The following TTF2 variants were observed in gnomAD, a reference collection of about 807,000 sequenced individuals.
TTF2 encodes RNA polymerase II termination factor.
TTF2 carries 108 observed loss-of-function variants against 142.4 expected under a neutral mutation model. The ratio of observed to expected loss-of-function variants is 0.76; its 90% CI spans 0.65 to 0.89. The LOEUF (loss-of-function observed/expected upper bound fraction) is 0.89. TTF2 is among the 40% of genes least tolerant of loss of function. The pLI is 0.00. For synonymous variants in TTF2, 483 were observed against 506.2 expected (o/e 0.95, Z 0.61); for missense variants, 1,327 against 1,379.8 (o/e 0.96, Z 0.61).
Position 117,078,044 on chromosome 1 carries a change from G to T in TTF2, c.1701+1G>T. 6.2e-7 allele frequency: 1 copy of T among 1,613,736 alleles called. No individual in the cohort carries two copies. Among genetic ancestry groups the T allele is most frequent in the South Asian group, 1.1e-5 (1 of 91,058 alleles). On this transcript the variant is annotated splice_donor_variant, in intron 8 of 22. Coordinates refer to ENST00000369466, the MANE Select transcript of TTF2 (RefSeq NM_003594.4). LOFTEE classifies it high-confidence loss of function. ...GGCAGAAGATCCCGCCGGGCTGAAG[G>T]TGAGCCAGGGAAGACTCCTGGTGTA...
At chr1:117,084,771 A>G (rs780559204) in intron 11 of TTF2, among the ~76,000 whole-genome samples, 11 of 152,174 alleles carry the variant, frequency 7.2e-5, no homozygotes, top group Non-Finnish European at 1.6e-4. Context: ...TCTGTTCTTA[A>G]TTGCGGAGTG....
intron 3 of TTF2, 69 bp downstream of exon 3, chr1:117,062,542 C>A: frequency 1.4e-6 from 2 of 1,440,322 alleles, no homozygotes. Flanking sequence ...AGAGTTGTAG[C>A]CAGGTATGTA....
At position 117,099,283 on chromosome 1, in the gene TTF2, G is replaced by A. The variant is rs1243205256; in HGVS notation, c.3344+376G>A. Among the ~76,000 whole-genome samples the A allele has an allele frequency of 6.6e-6, 1 of 152,024 alleles. No homozygotes were observed. Among genetic ancestry groups the A allele is most frequent in the African/African-American group, 2.4e-5 (1 of 41,364 alleles). On this transcript the variant is annotated intron_variant, in intron 22 of 22. Transcript: ENST00000369466. The surrounding 1 kb of genome is among the most constrained non-coding windows in gnomAD (Gnocchi z 4.3). ...TGCATGTGGGTAGAAACATTTTTCT[G>A]GACCACTTGAGAACAAGTTGTAGAC...
intron 10 of TTF2, among the ~76,000 whole-genome samples, chr1:117,083,513 C>A (rs754446139): frequency 1.4e-4 from 21 of 152,284 alleles, no homozygotes; most frequent in South Asian, 2.1e-4. Context: ...TAACAATACT[C>A]CATACGCCTC....
rs1285502290 is a variant in TTF2, at chr1:117,079,819, G to GA, written c.1783+172dup. On this transcript the variant is annotated intron_variant, in intron 9 of 22. Coordinates refer to ENST00000369466, the MANE Select transcript of TTF2 (RefSeq NM_003594.4). The surrounding 1 kb of genome is among the most constrained non-coding windows in gnomAD (Gnocchi z 4.2). ...TGGAAGTGTTAAGCAACTTGCTCAA[G>GA]AATACACAGTTTAGGATCAAAGATG... Among the ~76,000 whole-genome samples the GA allele has an allele frequency of 1.3e-5, 2 of 152,196 alleles. No individual in the cohort carries two copies. The highest frequency in any genetic ancestry group is 2.9e-5 in the Non-Finnish European group (2 of 68,032).
intron 19 of TTF2, 78 bp from the exon 20 acceptor site, chr1:117,096,071 G>A: frequency 1.3e-6 from 2 of 1,514,278 alleles, no homozygotes; most frequent in Non-Finnish European, 9.0e-7. Flanking sequence ...CCTTAAGAAT[G>A]ATGAGGGCAT....
intron 3 of TTF2, among the ~76,000 whole-genome samples, chr1:117,062,941 C>G (rs1655804774): frequency 6.6e-6 from 1 of 152,096 alleles, no homozygotes; most frequent in South Asian, 2.1e-4. Context: ...AGTAGGAATT[C>G]CCTAAGTGTT....
At position 117,076,818 on chromosome 1, in the gene TTF2, A is replaced by T. The variant is rs758676097; in HGVS notation, c.1568A>T (p.Tyr523Phe). Residue 523 changes from tyrosine to phenylalanine, a missense_variant, in exon 7 of 23, where the codon TAT (tyrosine) becomes TTT (phenylalanine). Physicochemically the swap from Tyr to Phe is conservative, Grantham distance 22 (BLOSUM62 3). Transcript: ENST00000369466. The surrounding 1 kb of genome is among the most constrained non-coding windows in gnomAD (Gnocchi z 4.6). ...QVTAGGSSQC[Y>F]RGHTNQDHVH... is the part of the protein sequence containing the mutation. The stretch of plus-strand genomic sequence containing the variant: ...ACTGCTGGAGGATCCAGTCAGTGCT[A>T]TCGAGGTAAGACCCAAGGGCCTGAC... 2 of 1,611,966 alleles carry T rather than the reference A, an allele frequency of 1.2e-6. No homozygotes were observed. The highest frequency in any genetic ancestry group is 3.3e-5 in the Admixed American group (2 of 59,792).
At chr1:117,083,580 C>G (rs971442087) in intron 10 of TTF2, among the ~76,000 whole-genome samples, 2 of 152,206 alleles carry the variant, frequency 1.3e-5, no homozygotes, top group African/African-American at 4.8e-5. Context: ...CTTCCAGCCA[C>G]TCTGTGAAAG....
In TTF2 at chr1:117,106,179, A is replaced by C. The variant is rs1649918151; in HGVS notation, c.*4655A>C. On this transcript the variant is annotated 3_prime_UTR_variant, in exon 23 of 23. Transcript: ENST00000369466. ...TTCAGAATTCCTAGGCATATGACCT[A>C]GACTAAAATGTCTTCATAACTACAA... 1 of 152,314 alleles carries C rather than the reference A, an allele frequency of 6.6e-6. No homozygotes were observed. The highest frequency in any genetic ancestry group is 2.4e-5 in the African/African-American group (1 of 41,564). 9.4% of individuals were successfully genotyped at this position (152,314 alleles called of 1,614,324 possible).
Position 117,070,590 on chromosome 1 carries a change from G to A in TTF2, c.219-3071G>A, listed in dbSNP as rs1181394145. The stretch of plus-strand genomic sequence containing the variant: ...AGTACTTGATATGCTTTAAACAACA[G>A]CAGGAGTTTGTTCTTGATTTATTTC... On this transcript the variant is annotated intron_variant, in intron 3 of 22. Transcript: ENST00000369466. This position sits in a 1 kb window ranked among gnomAD's most constrained non-coding sequence, Gnocchi z 4.2. Among the ~76,000 whole-genome samples, 1 of 152,192 alleles carries A rather than the reference G, an allele frequency of 6.6e-6. No individual in the cohort carries two copies. Among genetic ancestry groups the A allele is most frequent in the Non-Finnish European group, 1.5e-5 (1 of 68,034 alleles).
chr1:117,096,185 TG>T lies in TTF2; in HGVS notation c.3073del (p.Val1025Ter). The T allele has an allele frequency of 6.2e-7, 1 of 1,614,118 alleles. No individual in the cohort carries two copies. Among genetic ancestry groups the T allele is most frequent in the East Asian group, 2.2e-5 (1 of 44,880 alleles). On this transcript the variant is annotated frameshift_variant, in exon 20 of 23. Transcript: ENST00000369466. LOFTEE classifies it high-confidence loss of function. ...CTCAGTGGACCAACATGCTGAAAGTTGTAGCATTGCACCTGAAGAAGCATGG... is the reference window on the plus strand; with the variant it reads ...CTCAGTGGACCAACATGCTGAAAGTTTAGCATTGCACCTGAAGAAGCATGG... ...VSQWTNMLKVVALHLKKHGLT... is the reference protein window; with the variant it reads ...VSQWTNMLKVXALHLKKHGLT...
rs1570854210 is a variant in TTF2 at position 117,087,979 on chromosome 1, C to G, written c.2161-822C>G. On this transcript the variant is annotated intron_variant, in intron 12 of 22. Transcript: ENST00000369466. The surrounding 1 kb of genome is among the most constrained non-coding windows in gnomAD (Gnocchi z 4.8). Reference sequence around the variant, plus strand: ...CCAGATTCCCACTTCAGGTATTGAACTAGCCAGTGGGACTTACTATATCTA... The same window carrying G: ...CCAGATTCCCACTTCAGGTATTGAAGTAGCCAGTGGGACTTACTATATCTA... 6.6e-6 allele frequency among the ~76,000 whole-genome samples: 1 copy of G among 152,196 alleles called. No individual in the cohort carries two copies. Among genetic ancestry groups the G allele is most frequent in the African/African-American group, 2.4e-5 (1 of 41,442 alleles).
intron 11 of TTF2, 99 bp downstream of exon 11, chr1:117,084,267 G>T: frequency 6.9e-7 from 1 of 1,452,410 alleles, no homozygotes; most frequent in Non-Finnish European, 9.4e-7. Flanking sequence ...TAATCAGGAC[G>T]CGTATTTGTG....
intron 3 of TTF2, among the ~76,000 whole-genome samples, chr1:117,071,689 G>A (rs1333336620): frequency 6.6e-6 from 1 of 152,000 alleles, no homozygotes; most frequent in African/African-American, 2.4e-5. Flanking sequence ...AGTTATTTTA[G>A]GTAATTACAT....
chr1:117,078,823 AT>A (rs1647229180), intron 8 of TTF2, among the ~76,000 whole-genome samples: 1 of 152,240 alleles, frequency 6.6e-6, no homozygotes, highest in Non-Finnish European at 1.5e-5. Flanking sequence ...GGCTATTGAA[AT>A]TTATGACCAG....
rs548760671 is a variant in TTF2, at chr1:117,087,489, C to T, written c.2160+967C>T. Among the ~76,000 whole-genome samples the T allele has an allele frequency of 4.6e-5, 7 of 152,258 alleles. No individual in the cohort carries two copies. The South Asian group carries it at 6.2e-4, about 14-fold the overall frequency. On this transcript the variant is annotated intron_variant, in intron 12 of 22. Coordinates refer to ENST00000369466, the MANE Select transcript of TTF2 (RefSeq NM_003594.4). The surrounding 1 kb of genome is among the most constrained non-coding windows in gnomAD (Gnocchi z 4.8). ...TGTATTTTTAGTAGAGATGGGGTTTCGCCATGTTGGCCAGGCTGGTCTCGA... is the reference window on the plus strand; with the variant it reads ...TGTATTTTTAGTAGAGATGGGGTTTTGCCATGTTGGCCAGGCTGGTCTCGA...
Position 117,073,808 on chromosome 1 carries a change from C to A in TTF2, c.285+81C>A. On this transcript the variant is annotated intron_variant, in intron 4 of 22. Transcript: ENST00000369466. The surrounding 1 kb of genome is among the most constrained non-coding windows in gnomAD (Gnocchi z 4.4). ...CATCACCTGAAAATACCTTGAAGTT[C>A]ACGTAAATGAGTTGGTCTTCATCAG... The A allele has an allele frequency of 1.5e-6, 2 of 1,345,876 alleles. No individual in the cohort carries two copies. The highest frequency in any genetic ancestry group is 1.4e-5 in the South Asian group (1 of 73,738). 83.4% of individuals were successfully genotyped at this position (1,345,876 alleles called of 1,614,324 possible).
Position 117,079,765 on chromosome 1 carries a change from C to A in TTF2, c.1783+116C>A. On this transcript the variant is annotated intron_variant, in intron 9 of 22. Transcript: ENST00000369466. The surrounding 1 kb of genome is among the most constrained non-coding windows in gnomAD (Gnocchi z 4.2). ...CTCTATGAGGCAGGTACTATTATTC[C>A]TCATTTTACAGATGATGAAAGTGAA... The A allele has an allele frequency of 1.0e-6, 1 of 962,104 alleles. No homozygotes were observed. The highest frequency in any genetic ancestry group is 1.6e-6 in the Non-Finnish European group (1 of 618,902). The allele number at this position is 962,104 out of a possible 1,614,324, so 59.6% of individuals were successfully genotyped here. A position where few individuals can be genotyped will look rare whatever the true frequency, so the allele number is the denominator to read the frequency against.
Sources: gnomAD v4.1 joint callset for allele counts (sites outside exome capture counted in the v4.1 genomes callset) on GRCh38, gnomAD v4.1.1 for gene constraint, Gnocchi (gnomAD v3.1) non-coding constraint, MANE v1.5 for transcripts, NCBI Gene and HGNC (gene_info 2026-07-23, HGNC 2026-07-21) for gene names.